The following CEP170 variants were observed in gnomAD, a reference collection of about 807,000 sequenced individuals.
CEP170 encodes centrosomal protein of 170 kDa.
A neutral mutation model predicts 151.9 loss-of-function variants in CEP170; 21 were observed. The ratio of observed to expected loss-of-function variants is 0.14; its 90% CI spans 0.10 to 0.20. The LOEUF is 0.20. Among genes scored for constraint, CEP170 ranks in the 10% least tolerant of loss-of-function variants. The pLI is 1.00. For synonymous variants in CEP170, 356 were observed against 648.8 expected (o/e 0.55, Z 6.86); for missense variants, 964 against 1,892.9 (o/e 0.51, Z 9.11).
chr1:243,150,074 A>G (rs2056911925), intron 14 of CEP170, among the ~76,000 whole-genome samples: 1 of 152,130 alleles, frequency 6.6e-6, no homozygotes, highest in African/African-American at 2.4e-5. Context: ...TAGTAATAAT[A>G]AAAGCTTTTT....
rs746258450 is a variant in CEP170, at chr1:243,185,950, C to T, written c.1395G>A (p.Gly465=). The change falls in exon 10 of 20, where the codon GGG becomes GGA. Residue 465 remains glycine, a synonymous_variant. Transcript: ENST00000366542. This position sits in a 1 kb window ranked among gnomAD's most constrained non-coding sequence, Gnocchi z 4.9. ...FLQTALLRSS[G]SLGHRPSQEM... ...CCTGGCTTGGTCTGTGCCCAAGACT[C>T]CCTGAACTTCTTAATAATGCAGTTT... The T allele has an allele frequency of 1.5e-4, 242 of 1,613,594 alleles. 2 individuals carry two copies. The highest frequency in any genetic ancestry group is 6.8e-6 in the Non-Finnish European group (8 of 1,179,704).
intron 14 of CEP170, among the ~76,000 whole-genome samples, chr1:243,145,906 C>T (rs1483308309): frequency 6.6e-6 from 1 of 152,032 alleles, no homozygotes; most frequent in Non-Finnish European, 1.5e-5. Flanking sequence ...AGGGTCATTC[C>T]AGAAAAGCTC....
chr1:243,233,066 C>T (rs1445858680), intron 1 of CEP170, among the ~76,000 whole-genome samples: 1 of 152,148 alleles, frequency 6.6e-6, no homozygotes, highest in Non-Finnish European at 1.5e-5. Context: ...ATTAAAAAAT[C>T]CTAGTTATAG....
intron 17 of CEP170, among the ~76,000 whole-genome samples, chr1:243,133,616 T>C (rs1400469696): frequency 6.6e-6 from 1 of 152,136 alleles, no homozygotes; most frequent in Non-Finnish European, 1.5e-5. Context: ...TAAGTTAAGC[T>C]TAAAATTTTT....
chr1:243,184,251 A>G (rs2059804787), intron 10 of CEP170, among the ~76,000 whole-genome samples: 1 of 152,116 alleles, frequency 6.6e-6, no homozygotes, highest in African/African-American at 2.4e-5. Context: ...TGAGGCTTAA[A>G]GAGGTAACTT....
chr1:243,134,241 C>G (rs1200627599), intron 17 of CEP170, among the ~76,000 whole-genome samples: 1 of 152,062 alleles, frequency 6.6e-6, no homozygotes, highest in Non-Finnish European at 1.5e-5. Flanking sequence ...TTCATGAGAA[C>G]AGGGGTCTTT....
intron 2 of CEP170, among the ~76,000 whole-genome samples, chr1:243,224,726 T>C (rs140883580): frequency 6.0e-4 from 92 of 152,336 alleles, no homozygotes; most frequent in Non-Finnish European, 1.0e-3. Context: ...TCACGTTGTA[T>C]ACCTTAAATA....
intron 18 of CEP170, 36 bp from the exon 19 acceptor site, chr1:243,128,336 T>C (rs1335939086): frequency 1.4e-5 from 21 of 1,543,932 alleles, no homozygotes; most frequent in Non-Finnish European, 1.6e-5. Flanking sequence ...TAGCCTACTT[T>C]TAGCTAAATG....
At chr1:243,210,463 A>T (rs1385956390) in intron 4 of CEP170, among the ~76,000 whole-genome samples, 1 of 151,898 alleles carries the variant, frequency 6.6e-6, no homozygotes, top group Non-Finnish European at 1.5e-5. Context: ...TTTTTTAAAG[A>T]CTTAAAATAT....
At chr1:243,213,905 CT>C (rs1391291239) in intron 3 of CEP170, among the ~76,000 whole-genome samples, 1 of 152,120 alleles carries the variant, frequency 6.6e-6, no homozygotes. Context: ...TAGATGGGGT[CT>C]CACTATGTCA....
chr1:243,220,310 T>C (rs762720661), intron 3 of CEP170, among the ~76,000 whole-genome samples: 37 of 151,824 alleles, frequency 2.4e-4, no homozygotes, highest in Non-Finnish European at 2.6e-4. Context: ...CAAGGGAAAA[T>C]GTAATGATGG....
chr1:243,174,010 G>A, intron 10 of CEP170, among the ~76,000 whole-genome samples: 1 of 152,162 alleles, frequency 6.6e-6, no homozygotes, highest in East Asian at 1.9e-4. Flanking sequence ...TTCTCAAACT[G>A]TATTTGCCTA....
intron 1 of CEP170, among the ~76,000 whole-genome samples, chr1:243,252,337 C>A (rs895093142): frequency 6.6e-6 from 1 of 151,960 alleles, no homozygotes; most frequent in Non-Finnish European, 1.5e-5. Context: ...AAAGTCTTTA[C>A]CTATTAATTA....
At chr1:243,139,736 G>GA (rs1357609813) in intron 16 of CEP170, among the ~76,000 whole-genome samples, 1 of 152,076 alleles carries the variant, frequency 6.6e-6, no homozygotes, top group Non-Finnish European at 1.5e-5. Flanking sequence ...ACTTAAATGA[G>GA]AAAAAACAAT....
At chr1:243,212,822 C>T (rs1484198620) in intron 3 of CEP170, among the ~76,000 whole-genome samples, 1 of 151,904 alleles carries the variant, frequency 6.6e-6, no homozygotes, top group Non-Finnish European at 1.5e-5. Flanking sequence ...GCTACCATGC[C>T]CAGCTAATTT....
At chr1:243,230,036 T>C (rs2063591898) in intron 1 of CEP170, among the ~76,000 whole-genome samples, 1 of 152,116 alleles carries the variant, frequency 6.6e-6, no homozygotes, top group South Asian at 2.1e-4. Context: ...TTTCCAGATC[T>C]ACCACAACAT....
intron 3 of CEP170, among the ~76,000 whole-genome samples, chr1:243,217,149 T>C (rs545606341): frequency 1.3e-5 from 2 of 152,368 alleles, no homozygotes; most frequent in African/African-American, 4.8e-5. Flanking sequence ...ATAGGAATTC[T>C]TCAGCTCCAT....
At chr1:243,156,163 C>T (rs2057529180) in intron 14 of CEP170, 58 bp downstream of exon 14, 1 of 1,511,274 alleles carries the variant, frequency 6.6e-7, no homozygotes, top group Non-Finnish European at 8.9e-7. Flanking sequence ...AACTTTGTTA[C>T]CAAGTTGTAA....
chr1:243,145,638 G>T (rs2056386881), intron 14 of CEP170, among the ~76,000 whole-genome samples: 1 of 152,146 alleles, frequency 6.6e-6, no homozygotes, highest in African/African-American at 2.4e-5. Flanking sequence ...AAACTTTCCA[G>T]AGGATACACA....
Sources: allele counts gnomAD v4.1 joint callset (sites outside exome capture counted in the v4.1 genomes callset), GRCh38; gene constraint gnomAD v4.1.1; non-coding constraint Gnocchi (gnomAD v3.1); transcripts MANE v1.5; gene names NCBI Gene and HGNC (gene_info 2026-07-23, HGNC 2026-07-21).